SLCO4C1: variants seen among roughly 807,000 people sequenced by gnomAD.
The protein encoded by SLCO4C1 is organic anion transporter M1.
SLCO4C1 carries 58 observed loss-of-function variants against 72.1 expected under a neutral mutation model. The ratio of observed to expected loss-of-function variants is 0.80; its 90% CI spans 0.65 to 1.00. The LOEUF is 1.00. SLCO4C1 is among the 50% of genes least tolerant of loss of function. The probability of loss-of-function intolerance (pLI) is 0.00; values close to 1 mark genes in which losing one functional copy is unlikely to be tolerated. For synonymous variants in SLCO4C1, 297 were observed against 312.5 expected (o/e 0.95, Z 0.52); for missense variants, 898 against 857.9 (o/e 1.05, Z -0.58).
intron 2 of SLCO4C1, among the ~76,000 whole-genome samples, chr5:102,281,491 G>A (rs1422510695): frequency 6.6e-6 from 1 of 152,046 alleles, no homozygotes; most frequent in Non-Finnish European, 1.5e-5. Context: ...ACCCTGTTAA[G>A]AGGATGAAAA....
Position 102,234,035 on chromosome 5 carries a change from A to G in SLCO4C1, c.*2823T>C, listed in dbSNP as rs1748391609. 6.6e-6 allele frequency: 1 copy of G among 152,180 alleles called. No homozygotes were observed. The highest frequency in any genetic ancestry group is 2.4e-5 in the African/African-American group (1 of 41,468). The allele number at this position is 152,180 out of a possible 1,614,324, so 9.4% of individuals were successfully genotyped here. On this transcript the variant is annotated 3_prime_UTR_variant, in exon 13 of 13. Transcript: ENST00000310954. ...TAAATGGTATGAATATATATTTTGC[A>G]TACTTTACAATAAAGAAAATTTTGA...
rs1175265458 is a variant in SLCO4C1, at chr5:102,235,559, G to A, written c.*1299C>T. 2 of 152,220 alleles carry A rather than the reference G, an allele frequency of 1.3e-5. No individual in the cohort carries two copies. The highest frequency in any genetic ancestry group is 1.3e-4 in the Admixed American group (2 of 15,280). 9.4% of individuals were successfully genotyped at this position (152,220 alleles called of 1,614,324 possible). A position where few individuals can be genotyped will look rare whatever the true frequency, so the allele number is the denominator to read the frequency against. On this transcript the variant is annotated 3_prime_UTR_variant, in exon 13 of 13. Coordinates refer to ENST00000310954, the MANE Select transcript of SLCO4C1 (RefSeq NM_180991.5). ...CAAATCAATGCATCAGTTAAAGCAG[G>A]GGTCCCCAGCCCTGGGCTGTGTGTG...
chr5:102,281,516 T>G (rs958631512), intron 2 of SLCO4C1, among the ~76,000 whole-genome samples: 1 of 152,088 alleles, frequency 6.6e-6, no homozygotes, highest in Admixed American at 6.6e-5. Flanking sequence ...TGCTACAGAC[T>G]GGATGAAAAT....
In SLCO4C1 at chr5:102,235,977, G is replaced by A. The variant is rs1290831812; in HGVS notation, c.*881C>T. ...TTAGGTGCTATGAGTAATGTGTTAA[G>A]TGGTTGGCTTTTCAAATAGGAAAAA... On this transcript the variant is annotated 3_prime_UTR_variant, in exon 13 of 13. Coordinates refer to ENST00000310954, the MANE Select transcript of SLCO4C1 (RefSeq NM_180991.5). The A allele has an allele frequency of 6.6e-6, 1 of 152,204 alleles. No individual in the cohort carries two copies. Among genetic ancestry groups the A allele is most frequent in the Admixed American group, 6.5e-5 (1 of 15,282 alleles). The allele number at this position is 152,204 out of a possible 1,614,324, so 9.4% of individuals were successfully genotyped here.
intron 2 of SLCO4C1, among the ~76,000 whole-genome samples, chr5:102,281,179 A>G (rs1749349773): frequency 6.6e-6 from 1 of 152,164 alleles, no homozygotes; most frequent in East Asian, 1.9e-4. Context: ...ATTTTTGAAA[A>G]GCTACAAAAG....
At chr5:102,276,007 C>A (rs1580261026) in intron 2 of SLCO4C1, among the ~76,000 whole-genome samples, 1 of 152,114 alleles carries the variant, frequency 6.6e-6, no homozygotes, top group Non-Finnish European at 1.5e-5. Flanking sequence ...CACAGCCACT[C>A]CAAACCACAC....
Position 102,263,777 on chromosome 5 carries a change from G to A in SLCO4C1, c.806C>T (p.Thr269Ile). The A allele has an allele frequency of 1.9e-6, 3 of 1,610,590 alleles. No individual in the cohort carries two copies. Among genetic ancestry groups the A allele is most frequent in the Non-Finnish European group, 2.5e-6 (3 of 1,177,782 alleles). The change falls in exon 4 of 13, where the codon ACC (threonine) becomes ATC (isoleucine). Residue 269 changes from threonine to isoleucine, a missense_variant. Coordinates refer to ENST00000310954, the MANE Select transcript of SLCO4C1 (RefSeq NM_180991.5). ...GCCTAAGATTGACATAGCATAACCG[G>A]TTCCTAGAAGAAGAACAGAGACATT... is the stretch of plus-strand genomic sequence containing the variant. ...PTHKSSLYIG[T>I]GYAMSILGPA... is the part of the protein sequence containing the mutation.
At chr5:102,293,112 A>T (rs1022341445) in intron 1 of SLCO4C1, among the ~76,000 whole-genome samples, 6 of 152,134 alleles carry the variant, frequency 3.9e-5, no homozygotes, top group Admixed American at 6.5e-5. Context: ...TTCAAAACTC[A>T]TGACATATTT....
intron 2 of SLCO4C1, among the ~76,000 whole-genome samples, chr5:102,281,274 C>T (rs1749351471): frequency 2.0e-5 from 3 of 152,106 alleles, no homozygotes; most frequent in Admixed American, 6.6e-5. Context: ...TTAAACCTCA[C>T]ATCTTTTATA....
At chr5:102,295,801 C>T (rs1251525351) in intron 1 of SLCO4C1, 107 bp downstream of exon 1, 2 of 1,134,244 alleles carry the variant, frequency 1.8e-6, no homozygotes, top group Admixed American at 2.8e-5. Flanking sequence ...TTGCAGGGCG[C>T]GTCCACCGTC....
At chr5:102,244,268 G>A (rs961447823) in intron 10 of SLCO4C1, among the ~76,000 whole-genome samples, 1 of 152,150 alleles carries the variant, frequency 6.6e-6, no homozygotes, top group Non-Finnish European at 1.5e-5. Context: ...GAGTCCTTTA[G>A]TAGCAGAACT....
chr5:102,281,169 A>G (rs1749349574), intron 2 of SLCO4C1, among the ~76,000 whole-genome samples: 1 of 152,172 alleles, frequency 6.6e-6, no homozygotes, highest in Admixed American at 6.6e-5. Flanking sequence ...TGCCCAACTG[A>G]TTTTTGAAAA....
At chr5:102,282,914 G>A (rs1267108977) in intron 2 of SLCO4C1, among the ~76,000 whole-genome samples, 3 of 151,842 alleles carry the variant, frequency 2.0e-5, no homozygotes, top group Non-Finnish European at 4.4e-5. Flanking sequence ...ATTTTTGTTT[G>A]TGTGTTCCTA....
At position 102,234,395 on chromosome 5, in the gene SLCO4C1, T is replaced by C. The variant is rs558807064; in HGVS notation, c.*2463A>G. The C allele has an allele frequency of 6.5e-6, 1 of 152,734 alleles. No homozygotes were observed. The highest frequency in any genetic ancestry group is 2.1e-4 in the South Asian group (1 of 4,834). 9.5% of individuals were successfully genotyped at this position (152,734 alleles called of 1,614,324 possible). A position where few individuals can be genotyped will look rare whatever the true frequency, so the allele number is the denominator to read the frequency against. Reference sequence around the variant, plus strand: ...GTAAAACCCTGTTATAAAGGAGGTATTCTTTTAAAATATGTACCTTATATA... The same window carrying C: ...GTAAAACCCTGTTATAAAGGAGGTACTCTTTTAAAATATGTACCTTATATA... On this transcript the variant is annotated 3_prime_UTR_variant, in exon 13 of 13. Coordinates refer to ENST00000310954, the MANE Select transcript of SLCO4C1 (RefSeq NM_180991.5).
At chr5:102,276,414 G>A (rs1411323100) in intron 2 of SLCO4C1, among the ~76,000 whole-genome samples, 3 of 152,242 alleles carry the variant, frequency 2.0e-5, no homozygotes, top group East Asian at 3.9e-4. Flanking sequence ...GGTGGCAGAC[G>A]AAAACAAGAG....
Position 102,236,812 on chromosome 5 carries a change from T to C in SLCO4C1, c.*46A>G, listed in dbSNP as rs1364322826. The C allele has an allele frequency of 1.9e-6, 3 of 1,580,454 alleles. No homozygotes were observed. Among genetic ancestry groups the C allele is most frequent in the Non-Finnish European group, 2.6e-6 (3 of 1,161,750 alleles). On this transcript the variant is annotated 3_prime_UTR_variant, in exon 13 of 13. Coordinates refer to ENST00000310954, the MANE Select transcript of SLCO4C1 (RefSeq NM_180991.5). ...CCATGGCAATGTGTGTTCTTAAAAA[T>C]CGAGGTAAATTTTCCAGGTGTAAAA...
At chr5:102,254,301 T>C (rs1748794095) in intron 8 of SLCO4C1, among the ~76,000 whole-genome samples, 1 of 152,210 alleles carries the variant, frequency 6.6e-6, no homozygotes, top group African/African-American at 2.4e-5. Flanking sequence ...GGCAACCTAG[T>C]GATAGTGATA....
At chr5:102,268,741 C>A (rs1207741474) in intron 3 of SLCO4C1, among the ~76,000 whole-genome samples, 1 of 152,008 alleles carries the variant, frequency 6.6e-6, no homozygotes, top group Non-Finnish European at 1.5e-5. Context: ...ATCTTCTCTG[C>A]CATTGAGTTT....
intron 10 of SLCO4C1, among the ~76,000 whole-genome samples, chr5:102,246,144 A>C (rs384615): frequency 0.35 from 52,490 of 151,722 alleles, 9,432 homozygotes; most frequent in East Asian, 0.54. Flanking sequence ...GAAGAAACCA[A>C]ACCTAAAATT....
Sources: allele counts gnomAD v4.1 joint callset (sites outside exome capture counted in the v4.1 genomes callset), GRCh38; gene constraint gnomAD v4.1.1; transcripts MANE v1.5; gene names NCBI Gene and HGNC (gene_info 2026-07-23, HGNC 2026-07-21).